The following TXNDC16 variants were observed in gnomAD, a reference collection of about 807,000 sequenced individuals.
TXNDC16 encodes thioredoxin domain-containing protein 16.
In TXNDC16, 74 loss-of-function variants were observed where a neutral mutation model predicts 85.6. The ratio of observed to expected loss-of-function variants is 0.86; its 90% CI spans 0.72 to 1.05. The LOEUF (loss-of-function observed/expected upper bound fraction) is 1.05, where lower values mean the gene tolerates loss of function less well. Ranked by LOEUF, TXNDC16 falls within the 50% of genes least tolerant of loss-of-function variation. TXNDC16 has a pLI of 0.00. For synonymous variants in TXNDC16, 335 were observed against 326.5 expected (o/e 1.03, Z -0.28); for missense variants, 959 against 947.0 (o/e 1.01, Z -0.17).
intron 20 of TXNDC16, among the ~76,000 whole-genome samples, chr14:52,434,667 A>G (rs1215054672): frequency 6.6e-6 from 1 of 152,186 alleles, no homozygotes; most frequent in African/African-American, 2.4e-5. Context: ...GAGTTAGGCT[A>G]TTTCCAGAAT....
chr14:52,456,824 T>C (rs1275873671), intron 17 of TXNDC16, among the ~76,000 whole-genome samples: 3 of 152,080 alleles, frequency 2.0e-5, no homozygotes, highest in Admixed American at 6.5e-5. Context: ...TTGTAGGTAA[T>C]AGAACCCAAA....
intron 14 of TXNDC16, among the ~76,000 whole-genome samples, chr14:52,476,302 A>G (rs1357170157): frequency 6.6e-6 from 1 of 152,166 alleles, no homozygotes; most frequent in Non-Finnish European, 1.5e-5. Context: ...AAATCACACT[A>G]GCTCTCCAGC....
chr14:52,517,813 G>A (rs1015901418), intron 7 of TXNDC16, among the ~76,000 whole-genome samples: 4 of 151,986 alleles, frequency 2.6e-5, no homozygotes, highest in Admixed American at 2.6e-4. Flanking sequence ...TATTCTTCCA[G>A]CCAGTGCCCC....
intron 12 of TXNDC16, among the ~76,000 whole-genome samples, chr14:52,484,486 C>G (rs1302091476): frequency 6.6e-6 from 1 of 152,154 alleles, no homozygotes; most frequent in Non-Finnish European, 1.5e-5. Flanking sequence ...CTGAGAAATT[C>G]CTATCATCTG....
At chr14:52,455,087 A>G (rs2035501317) in intron 18 of TXNDC16, among the ~76,000 whole-genome samples, 1 of 152,226 alleles carries the variant, frequency 6.6e-6, no homozygotes, top group African/African-American at 2.4e-5. Context: ...TGGATTAAGC[A>G]CGTGAACTGA....
Position 52,542,235 on chromosome 14 carries a change from T to C in TXNDC16, c.243+136A>G, listed in dbSNP as rs547609407. The C allele has an allele frequency of 2.6e-3, 1,628 of 624,030 alleles. 5 individuals carry two copies. Among genetic ancestry groups the C allele is most frequent in the Non-Finnish European group, 3.6e-3 (1,319 of 366,716 alleles). The allele number at this position is 624,030 out of a possible 1,614,324, so 38.7% of individuals were successfully genotyped here. On this transcript the variant is annotated intron_variant, in intron 4 of 20. Coordinates refer to ENST00000281741, the MANE Select transcript of TXNDC16 (RefSeq NM_020784.3). ...CTGAAACTATCTTTCTGGGCTTCTG[T>C]TTATTCTTATGAAAAAAATATATTT...
chr14:52,442,007 TAAA>T (rs1428741888), intron 18 of TXNDC16, among the ~76,000 whole-genome samples: 3 of 152,144 alleles, frequency 2.0e-5, no homozygotes, highest in Non-Finnish European at 4.4e-5. Flanking sequence ...GTCACAGTAA[TAAA>T]ACTTTGAGCA....
intron 9 of TXNDC16, among the ~76,000 whole-genome samples, chr14:52,491,977 G>C (rs1174003049): frequency 1.3e-5 from 2 of 152,160 alleles, no homozygotes; most frequent in Non-Finnish European, 2.9e-5. Flanking sequence ...TCAGTGTTAG[G>C]CATGTCTGGA....
In TXNDC16 at chr14:52,490,399, C is replaced by T; in HGVS notation, c.976G>A (p.Ala326Thr). 6.3e-7 allele frequency: 1 copy of T among 1,596,736 alleles called. No individual in the cohort carries two copies. Among genetic ancestry groups the T allele is most frequent in the East Asian group, 2.3e-5 (1 of 44,104 alleles). The change falls in exon 11 of 21, where the codon GCA becomes ACA. Residue 326 changes from alanine (A) to threonine (T), a missense_variant. By Grantham distance (58) the Ala-to-Thr change is moderately conservative. Coordinates refer to ENST00000281741, the MANE Select transcript of TXNDC16 (RefSeq NM_020784.3). ...PQDANVVFKRAEEGVPVEFLV... is the reference protein window; with the variant it reads ...PQDANVVFKRTEEGVPVEFLV... ...TACATAAAACAACTAACCTCTTCTG[C>T]TCTTTTGAAGACCACATTAGCATCT...
In TXNDC16 at chr14:52,511,329, T is replaced by C; in HGVS notation, c.667A>G (p.Thr223Ala). 1.2e-6 allele frequency: 2 copies of C among 1,608,134 alleles called. No individual in the cohort carries two copies. Among genetic ancestry groups the C allele is most frequent in the Non-Finnish European group, 1.7e-6 (2 of 1,176,034 alleles). Residue 223 changes from threonine (T) to alanine (A), a missense_variant, in exon 9 of 21, where the codon ACC (threonine) becomes GCC (alanine). Coordinates refer to ENST00000281741, the MANE Select transcript of TXNDC16 (RefSeq NM_020784.3). ...FFHCKLVLDL[T>A]QQCRRTLMEQ... is the part of the protein sequence containing the mutation. ...ATTAGTGTTCTTCTACATTGCTGGGTCAAGTCCAAGACTAGTTTACAATGA... is the reference window on the plus strand; with the variant it reads ...ATTAGTGTTCTTCTACATTGCTGGGCCAAGTCCAAGACTAGTTTACAATGA...
chr14:52,513,557 AT>A (rs1187767061), intron 8 of TXNDC16, among the ~76,000 whole-genome samples: 12 of 152,204 alleles, frequency 7.9e-5, no homozygotes, highest in African/African-American at 2.9e-4. Flanking sequence ...ATAACTGTGC[AT>A]TTTTAAATTC....
intron 20 of TXNDC16, among the ~76,000 whole-genome samples, chr14:52,434,465 TTACTA>T (rs1256882033): frequency 2.6e-5 from 4 of 152,194 alleles, no homozygotes; most frequent in Non-Finnish European, 4.4e-5. Flanking sequence ...TATTGAGCCT[TTACTA>T]TACACATGCA....
intron 9 of TXNDC16, among the ~76,000 whole-genome samples, chr14:52,498,072 G>A (rs2036574315): frequency 6.6e-6 from 1 of 151,978 alleles, no homozygotes; most frequent in African/African-American, 2.4e-5. Context: ...GATTGATGCA[G>A]GAAAAGCATT....
intron 16 of TXNDC16, among the ~76,000 whole-genome samples, chr14:52,468,111 AGCT>A (rs1376375518): frequency 1.3e-5 from 2 of 152,184 alleles, no homozygotes; most frequent in Non-Finnish European, 2.9e-5. Flanking sequence ...TGAAATGAAA[AGCT>A]GTTGTTTAAT....
chr14:52,541,146 G>C (rs2037822009), intron 4 of TXNDC16, among the ~76,000 whole-genome samples: 2 of 151,930 alleles, frequency 1.3e-5, no homozygotes, highest in African/African-American at 4.8e-5. Flanking sequence ...TGAGGCAAGA[G>C]AATCGCTTGA....
intron 12 of TXNDC16, among the ~76,000 whole-genome samples, chr14:52,483,315 G>A (rs1389372879): frequency 6.6e-6 from 1 of 152,006 alleles, no homozygotes; most frequent in Non-Finnish European, 1.5e-5. Context: ...CTGACCACAT[G>A]GAACTTCTAT....
intron 14 of TXNDC16, 21 bp downstream of exon 14, chr14:52,482,209 A>G (rs770247315): frequency 6.3e-7 from 1 of 1,586,464 alleles, no homozygotes; most frequent in Non-Finnish European, 8.6e-7. Context: ...AATAATAAGC[A>G]TGCATAGCAC....
chr14:52,454,146 G>A (rs1294593494), intron 18 of TXNDC16, among the ~76,000 whole-genome samples: 1 of 152,152 alleles, frequency 6.6e-6, no homozygotes, highest in Non-Finnish European at 1.5e-5. Flanking sequence ...ACCTCATGTG[G>A]CCAGGTGCAG....
At chr14:52,434,524 G>A (rs1465149680) in intron 20 of TXNDC16, among the ~76,000 whole-genome samples, 1 of 152,112 alleles carries the variant, frequency 6.6e-6, no homozygotes. Flanking sequence ...GAACACTAAA[G>A]CATACAAATA....
Sources: gnomAD v4.1 joint callset for allele counts (sites outside exome capture counted in the v4.1 genomes callset) on GRCh38, gnomAD v4.1.1 for gene constraint, MANE v1.5 for transcripts, NCBI Gene and HGNC (gene_info 2026-07-23, HGNC 2026-07-21) for gene names.